Variants in CDH12 observed in about 807,000 individuals in gnomAD.
CDH12 encodes the protein cadherin-12.
CDH12 carries 41 observed loss-of-function variants against 74.1 expected under a neutral mutation model. The observed-to-expected ratio is 0.55, with a 90% CI of 0.43 to 0.72. The LOEUF (loss-of-function observed/expected upper bound fraction) is 0.72, where lower values mean the gene tolerates loss of function less well. Among genes scored for constraint, CDH12 ranks in the 30% least tolerant of loss-of-function variants. The pLI is 0.00. For missense variants in CDH12, 945 were observed against 977.2 expected (o/e 0.97, Z 0.44); for synonymous variants, 399 against 355.0 (o/e 1.12, Z -1.39).
intron 1 of CDH12, among the ~76,000 whole-genome samples, chr5:22,797,158 C>T (rs1447741452): frequency 6.7e-6 from 1 of 149,288 alleles, no homozygotes; most frequent in Admixed American, 6.7e-5. Flanking sequence ...GGGTGGAGCC[C>T]CCATGAATGG....
chr5:22,833,448 T>C (rs1452123503), intron 1 of CDH12, among the ~76,000 whole-genome samples: 1 of 152,204 alleles, frequency 6.6e-6, no homozygotes, highest in African/African-American at 2.4e-5. Context: ...GAAAGTCATA[T>C]TACAATTAAA....
intron 5 of CDH12, among the ~76,000 whole-genome samples, chr5:22,011,916 A>C (rs1047148733): frequency 1.4e-5 from 2 of 144,842 alleles, no homozygotes; most frequent in African/African-American, 2.4e-5. Context: ...ATTGGAAAAC[A>C]AAGCTGTTTC....
intron 5 of CDH12, among the ~76,000 whole-genome samples, chr5:22,002,694 C>T (rs1395395409): frequency 2.0e-5 from 3 of 151,580 alleles, no homozygotes; most frequent in African/African-American, 7.3e-5. Flanking sequence ...GAAGATCACA[C>T]AAAATTTGGC....
chr5:22,117,891 T>C (rs1027683533), intron 4 of CDH12, among the ~76,000 whole-genome samples: 1 of 152,010 alleles, frequency 6.6e-6, no homozygotes, highest in African/African-American at 2.4e-5. Flanking sequence ...ATAGATAACA[T>C]AATTTAATTT....
At chr5:21,936,621 C>T (rs1755084925) in intron 6 of CDH12, among the ~76,000 whole-genome samples, 1 of 152,072 alleles carries the variant, frequency 6.6e-6, no homozygotes, top group Admixed American at 6.5e-5. Context: ...TAAAATATGT[C>T]AATCTACTTT....
intron 4 of CDH12, among the ~76,000 whole-genome samples, chr5:22,202,080 A>C (rs1455552173): frequency 2.0e-5 from 3 of 151,918 alleles, no homozygotes; most frequent in Non-Finnish European, 4.4e-5. Flanking sequence ...AGGCGAGATT[A>C]GGGAATGCAC....
intron 8 of CDH12, among the ~76,000 whole-genome samples, chr5:21,829,393 T>C (rs1323849226): frequency 6.6e-6 from 1 of 152,254 alleles, no homozygotes; most frequent in Non-Finnish European, 1.5e-5. Context: ...TTGTATCTTC[T>C]TTATGCAGTG....
At chr5:22,622,696 A>T (rs1044674811) in intron 1 of CDH12, among the ~76,000 whole-genome samples, 4 of 152,156 alleles carry the variant, frequency 2.6e-5, no homozygotes, top group African/African-American at 9.7e-5. Context: ...TACCACCAAA[A>T]AAAGTCCAGG....
intron 3 of CDH12, among the ~76,000 whole-genome samples, chr5:22,226,692 T>G (rs2150372211): frequency 6.6e-6 from 1 of 152,246 alleles, no homozygotes; most frequent in South Asian, 2.1e-4. Context: ...GTTACACAGC[T>G]TAAGGAAATG....
intron 1 of CDH12, among the ~76,000 whole-genome samples, chr5:22,526,147 G>A (rs760993475): frequency 6.6e-6 from 1 of 152,016 alleles, no homozygotes. Flanking sequence ...GACATTCGGT[G>A]TTTTATATAT....
chr5:22,152,933 T>G (rs886188285), intron 4 of CDH12, among the ~76,000 whole-genome samples: 1 of 152,176 alleles, frequency 6.6e-6, no homozygotes, highest in Admixed American at 6.6e-5. Flanking sequence ...TGCAACCCCC[T>G]AGGTTCATGT....
At chr5:22,715,309 G>T (rs964206364) in intron 1 of CDH12, among the ~76,000 whole-genome samples, 2 of 152,298 alleles carry the variant, frequency 1.3e-5, no homozygotes, top group East Asian at 1.9e-4. Context: ...TTTGATATTA[G>T]TTATTCAGCT....
chr5:22,378,634 T>G (rs1430277615), intron 3 of CDH12, among the ~76,000 whole-genome samples: 4 of 152,114 alleles, frequency 2.6e-5, no homozygotes, highest in Non-Finnish European at 5.9e-5. Flanking sequence ...CTTGAACATT[T>G]ATTGCATGCA....
intron 2 of CDH12, among the ~76,000 whole-genome samples, chr5:22,486,819 C>T (rs1746621953): frequency 6.6e-6 from 1 of 151,940 alleles, no homozygotes. Context: ...TAAAACCAGA[C>T]ATAATTATGG....
chr5:22,270,645 A>G (rs141431956), intron 3 of CDH12, among the ~76,000 whole-genome samples: 383 of 151,614 alleles, frequency 2.5e-3, no homozygotes, highest in African/African-American at 8.8e-3. Context: ...ACACATCTAT[A>G]TATATAATTT....
At chr5:21,839,889 A>G (rs1749745988) in intron 8 of CDH12, among the ~76,000 whole-genome samples, 1 of 152,148 alleles carries the variant, frequency 6.6e-6, no homozygotes, top group Admixed American at 6.6e-5. Context: ...GGAATAAAAC[A>G]GGTAGTGATT....
chr5:22,234,739 T>C lies in CDH12; in HGVS notation c.-332-22096A>G, dbSNP rs139783014. ...GTGTAGATATTTATCTGTCTATCCA[T>C]CTCTCCATTTACGTTTATCTATATT... On this transcript the variant is annotated intron_variant, in intron 3 of 14. Transcript: ENST00000382254. Among the ~76,000 whole-genome samples, 717 of 152,122 alleles carry C rather than the reference T, an allele frequency of 4.7e-3. 5 individuals carry two copies. The highest frequency in any genetic ancestry group is 0.016 in the African/African-American group (668 of 41,500).
chr5:22,753,607 G>A (rs1223009748), intron 1 of CDH12, among the ~76,000 whole-genome samples: 1 of 149,896 alleles, frequency 6.7e-6, no homozygotes, highest in Non-Finnish European at 1.5e-5. Context: ...ATAAATGGAA[G>A]GGGAAGAAGT....
intron 2 of CDH12, among the ~76,000 whole-genome samples, chr5:22,460,146 C>G (rs1745441608): frequency 6.6e-6 from 1 of 151,976 alleles, no homozygotes; most frequent in Non-Finnish European, 1.5e-5. Context: ...TTTAAAATAT[C>G]AAACTTTTAA....
Sources: allele counts gnomAD v4.1 joint callset (sites outside exome capture counted in the v4.1 genomes callset), GRCh38; gene constraint gnomAD v4.1.1; transcripts MANE v1.5; gene names NCBI Gene and HGNC (gene_info 2026-07-23, HGNC 2026-07-21).